The following SNTB1 variants were observed in gnomAD, a reference collection of about 807,000 sequenced individuals.
SNTB1 encodes the protein beta-1-syntrophin.
A neutral mutation model predicts 48.9 loss-of-function variants in SNTB1; 36 were observed. The ratio of observed to expected loss-of-function variants is 0.74; its 90% CI spans 0.56 to 0.97. The LOEUF (loss-of-function observed/expected upper bound fraction) is 0.97, where lower values mean the gene tolerates loss of function less well. Ranked by LOEUF, SNTB1 falls within the 50% of genes least tolerant of loss-of-function variation. SNTB1 has a pLI of 0.00. For missense variants in SNTB1, 786 were observed against 703.4 expected, an observed-to-expected ratio of 1.12 and a Z score of -1.33; for synonymous variants, 299 against 294.6, an observed-to-expected ratio of 1.01 and a Z score of -0.15.
At chr8:120,591,869 C>T (rs1313043885) in intron 3 of SNTB1, among the ~76,000 whole-genome samples, 1 of 152,068 alleles carries the variant, frequency 6.6e-6, no homozygotes, top group Non-Finnish European at 1.5e-5. Context: ...CTACAAAGAT[C>T]CATTTTCATT....
chr8:120,638,910 G>T (rs1274495180), intron 2 of SNTB1, among the ~76,000 whole-genome samples: 1 of 152,176 alleles, frequency 6.6e-6, no homozygotes, highest in Non-Finnish European at 1.5e-5. Flanking sequence ...AATCCTTTGG[G>T]TATATACCCA....
At chr8:120,672,799 T>C (rs1432159854) in intron 2 of SNTB1, among the ~76,000 whole-genome samples, 5 of 152,242 alleles carry the variant, frequency 3.3e-5, no homozygotes, top group Non-Finnish European at 7.3e-5. Flanking sequence ...CTGGGACAGT[T>C]TGCCATCAAA....
At chr8:120,648,304 C>G (rs1378780754) in intron 2 of SNTB1, among the ~76,000 whole-genome samples, 3 of 148,278 alleles carry the variant, frequency 2.0e-5, no homozygotes, top group African/African-American at 4.9e-5. Context: ...GCGGCTGGTA[C>G]CGGTTGTTCC....
intron 5 of SNTB1, among the ~76,000 whole-genome samples, chr8:120,547,592 CAAAAAAAAA>C (rs11289979): frequency 1.1e-5 from 1 of 89,070 alleles, no homozygotes; most frequent in Non-Finnish European, 2.1e-5. Context: ...AACACTGTCT[CAAAAAAAAA>C]AAAAAAAAAA....
At chr8:120,590,034 T>A (rs1300430659) in intron 3 of SNTB1, among the ~76,000 whole-genome samples, 2 of 152,018 alleles carry the variant, frequency 1.3e-5, no homozygotes, top group East Asian at 3.9e-4. Flanking sequence ...CACATCAGAG[T>A]CTTCCACCTC....
At chr8:120,627,266 G>A (rs79587785) in intron 3 of SNTB1, among the ~76,000 whole-genome samples, 239 of 152,302 alleles carry the variant, frequency 1.6e-3, no homozygotes, top group African/African-American at 5.0e-3. Context: ...AATTTGAACC[G>A]TTTTGTTGAG....
At chr8:120,759,549 C>T (rs1819378248) in intron 1 of SNTB1, among the ~76,000 whole-genome samples, 1 of 152,182 alleles carries the variant, frequency 6.6e-6, no homozygotes, top group African/African-American at 2.4e-5. Context: ...GTGGCCACAG[C>T]AGCCATAACT....
chr8:120,621,169 AG>A (rs1184028105), intron 3 of SNTB1, among the ~76,000 whole-genome samples: 1 of 152,100 alleles, frequency 6.6e-6, no homozygotes, highest in African/African-American at 2.4e-5. Context: ...AGTGTTGGCC[AG>A]GGTGGTCTTG....
At chr8:120,583,558 C>CAAA in intron 3 of SNTB1, among the ~76,000 whole-genome samples, 1 of 127,040 alleles carries the variant, frequency 7.9e-6, no homozygotes, top group African/African-American at 2.9e-5. Context: ...CACACACACA[C>CAAA]ACAAAACTGG....
chr8:120,806,348 C>T (rs1391807835), intron 1 of SNTB1, among the ~76,000 whole-genome samples: 3 of 152,152 alleles, frequency 2.0e-5, no homozygotes, highest in Non-Finnish European at 2.9e-5. Context: ...CCACACAGCC[C>T]TACTCATCTT....
intron 1 of SNTB1, chr8:120,776,415 A>G (rs1819736617): frequency 6.6e-6 from 1 of 151,868 alleles, no homozygotes; most frequent in Non-Finnish European, 1.5e-5. Context: ...AGGATGCCTG[A>G]CTCCTACAGA....
intron 4 of SNTB1, among the ~76,000 whole-genome samples, chr8:120,549,537 G>A (rs780195359): frequency 6.6e-6 from 1 of 152,214 alleles, no homozygotes; most frequent in Non-Finnish European, 1.5e-5. Context: ...TTGAGAAGTG[G>A]TATGGAACTG....
chr8:120,638,365 G>A (rs1189080086), intron 2 of SNTB1, among the ~76,000 whole-genome samples: 2 of 151,870 alleles, frequency 1.3e-5, no homozygotes, highest in Non-Finnish European at 2.9e-5. Context: ...GTTAAGGCAT[G>A]ACTATGCTAC....
chr8:120,811,851 G>T lies in SNTB1; in HGVS notation c.-8C>A. On this transcript the variant is annotated 5_prime_UTR_variant, in exon 1 of 7. Transcript: ENST00000517992. ...CGCCGCCGCTACCGCCATCTTTCCG[G>T]CATTCTTAAAATGCCATGTGATTGG... 7.5e-7 allele frequency: 1 copy of T among 1,340,410 alleles called. No individual in the cohort carries two copies. Among genetic ancestry groups the T allele is most frequent in the South Asian group, 2.2e-5 (1 of 44,754 alleles). The allele number at this position is 1,340,410 out of a possible 1,614,324, so 83.0% of individuals were successfully genotyped here.
chr8:120,709,539 A>G (rs1028921429), intron 1 of SNTB1, among the ~76,000 whole-genome samples: 2 of 152,210 alleles, frequency 1.3e-5, no homozygotes, highest in Admixed American at 6.5e-5. Flanking sequence ...AGCACTAACT[A>G]AATGTCCAGG....
chr8:120,789,806 A>G (rs1481570085), intron 1 of SNTB1, among the ~76,000 whole-genome samples: 1 of 152,022 alleles, frequency 6.6e-6, no homozygotes, highest in Non-Finnish European at 1.5e-5. Context: ...TCTACCAGAC[A>G]TTCAAAGGAG....
At chr8:120,580,208 T>C (rs1450625828) in intron 3 of SNTB1, among the ~76,000 whole-genome samples, 1 of 152,204 alleles carries the variant, frequency 6.6e-6, no homozygotes, top group East Asian at 1.9e-4. Flanking sequence ...TCTCGCTTCA[T>C]ACCAACTCAC....
At chr8:120,633,738 A>T (rs189885482) in intron 2 of SNTB1, among the ~76,000 whole-genome samples, 45 of 152,328 alleles carry the variant, frequency 3.0e-4, no homozygotes, top group African/African-American at 1.0e-3. Context: ...AAAAGAAGGA[A>T]ATTCTCAACA....
rs758899341 is a variant in SNTB1 at position 120,541,846 on chromosome 8, C to A, written c.1488G>T (p.Met496Ile). 1.2e-6 allele frequency: 2 copies of A among 1,613,368 alleles called. No individual in the cohort carries two copies. Among genetic ancestry groups the A allele is most frequent in the African/African-American group, 2.7e-5 (2 of 74,884 alleles). The change falls in exon 6 of 7, where the codon ATG (methionine) becomes ATT (isoleucine). Residue 496 changes from methionine (M) to isoleucine (I), a missense_variant. Physicochemically the swap from Met to Ile is conservative, Grantham distance 10 (BLOSUM62 1). Transcript: ENST00000517992. ...LKMSSDDGIR[M>I]LYLDFGGKDG... is the part of the protein sequence containing the mutation. ...CTTTGCCTCCAAAATCTAAATACAGCATCCTGATTCCATCATCTGAAGACA... is the reference window on the plus strand; with the variant it reads ...CTTTGCCTCCAAAATCTAAATACAGAATCCTGATTCCATCATCTGAAGACA...
Sources: gnomAD v4.1 joint callset for allele counts (sites outside exome capture counted in the v4.1 genomes callset) on GRCh38, gnomAD v4.1.1 for gene constraint, MANE v1.5 for transcripts, NCBI Gene and HGNC (gene_info 2026-07-23, HGNC 2026-07-21) for gene names.